Variants in LRMDA observed in about 807,000 individuals in gnomAD.
LRMDA encodes leucine rich melanocyte differentiation associated, also known as leucine-rich melanocyte differentiation-associated protein.
LRMDA carries 18 observed loss-of-function variants against 29.8 expected under a neutral mutation model. That is an observed-to-expected ratio of 0.60 (90% CI 0.42 to 0.90). The LOEUF (loss-of-function observed/expected upper bound fraction) is 0.90, where lower values mean the gene tolerates loss of function less well. LRMDA is among the 40% of genes least tolerant of loss of function. The pLI is 0.00. For synonymous variants in LRMDA, 125 were observed against 109.4 expected, an observed-to-expected ratio of 1.14 and a Z score of -0.89; for missense variants, 273 against 273.9, an observed-to-expected ratio of 1.00 and a Z score of 0.02.
At chr10:76,006,266 C>T (rs796311914) in intron 2 of LRMDA, among the ~76,000 whole-genome samples, 3 of 152,118 alleles carry the variant, frequency 2.0e-5, no homozygotes, top group South Asian at 2.1e-4. Context: ...CCCTGTGCGG[C>T]GGCTGAGGGT....
chr10:76,435,805 A>G (rs1021945080), intron 6 of LRMDA, among the ~76,000 whole-genome samples: 2 of 152,228 alleles, frequency 1.3e-5, no homozygotes, highest in African/African-American at 4.8e-5. Flanking sequence ...GCCATTATCT[A>G]GAAGCAAAGT....
intron 5 of LRMDA, among the ~76,000 whole-genome samples, chr10:76,288,667 C>T (rs541744445): frequency 6.6e-6 from 1 of 152,286 alleles, no homozygotes; most frequent in Non-Finnish European, 1.5e-5. Context: ...TTTTATTTAA[C>T]AGTAGAATTC....
rs979278395 is a variant in LRMDA, at chr10:75,977,423, C to A, written c.132-58585C>A. Among the ~76,000 whole-genome samples, 5 of 152,194 alleles carry A rather than the reference C, an allele frequency of 3.3e-5. No homozygotes were observed. The East Asian group carries it at 9.6e-4, about 29-fold the overall frequency. On this transcript the variant is annotated intron_variant, in intron 2 of 6. Coordinates refer to ENST00000611255, the MANE Select transcript of LRMDA (RefSeq NM_001305581.2). Reference sequence around the variant, plus strand: ...TTAACTCCATGGTGACTGTTGGGGGCCACACGTCCCCCTCTGTCCAGGGCA... The same window carrying A: ...TTAACTCCATGGTGACTGTTGGGGGACACACGTCCCCCTCTGTCCAGGGCA...
intron 2 of LRMDA, among the ~76,000 whole-genome samples, chr10:75,752,033 A>AT (rs1491511000): frequency 4.0e-5 from 6 of 149,288 alleles, no homozygotes; most frequent in African/African-American, 1.5e-4. Flanking sequence ...TAAAATAAAT[A>AT]AATATATATA....
chr10:76,265,687 TA>T (rs1839998939), intron 5 of LRMDA, among the ~76,000 whole-genome samples: 1 of 152,210 alleles, frequency 6.6e-6, no homozygotes, highest in Admixed American at 6.5e-5. Context: ...AAGGTGACTG[TA>T]CATTGGTTAT....
intron 6 of LRMDA, among the ~76,000 whole-genome samples, chr10:76,386,546 G>A (rs757403071): frequency 6.6e-6 from 1 of 152,106 alleles, no homozygotes; most frequent in Non-Finnish European, 1.5e-5. Flanking sequence ...TGTCAGCCTT[G>A]ATCTTGGTGG....
chr10:75,703,862 T>C (rs1842336442), intron 2 of LRMDA, among the ~76,000 whole-genome samples: 1 of 152,254 alleles, frequency 6.6e-6, no homozygotes, highest in Admixed American at 6.5e-5. Context: ...AGCTGCTGTG[T>C]CTTTTCATTT....
chr10:75,585,521 A>G (rs938958646), intron 2 of LRMDA, among the ~76,000 whole-genome samples: 3 of 152,246 alleles, frequency 2.0e-5, no homozygotes, highest in Admixed American at 1.3e-4. Flanking sequence ...TTACTGGGTC[A>G]TAAAGTATGT....
At chr10:75,504,547 G>A (rs191996790) in intron 2 of LRMDA, among the ~76,000 whole-genome samples, 8 of 152,316 alleles carry the variant, frequency 5.3e-5, no homozygotes, top group Admixed American at 5.2e-4. Flanking sequence ...AGCCTCATAG[G>A]ATAAATGCAT....
At chr10:75,997,581 G>A (rs1230931980) in intron 2 of LRMDA, among the ~76,000 whole-genome samples, 1 of 151,930 alleles carries the variant, frequency 6.6e-6, no homozygotes, top group Non-Finnish European at 1.5e-5. Flanking sequence ...TATGTAAAGT[G>A]ATAGAAAGTC....
rs556669960 is a variant in LRMDA, at chr10:75,715,745, A to G, written c.131+277251A>G. On this transcript the variant is annotated intron_variant, in intron 2 of 6. Transcript: ENST00000611255. ...TCATAATATTTTATTGTAGTTTTTT[A>G]AATGACTGAGAGTTATCTGTCTCTC... 3.3e-5 allele frequency among the ~76,000 whole-genome samples: 5 copies of G among 152,172 alleles called. No individual in the cohort carries two copies. In the East Asian group the frequency reaches 9.7e-4, roughly 29 times the overall value.
At chr10:75,935,681 G>T (rs1377774035) in intron 2 of LRMDA, among the ~76,000 whole-genome samples, 1 of 152,164 alleles carries the variant, frequency 6.6e-6, no homozygotes, top group Non-Finnish European at 1.5e-5. Flanking sequence ...GAGGGTTCAG[G>T]TTAAAAGGGA....
At chr10:75,518,558 A>AT (rs1381952400) in intron 2 of LRMDA, among the ~76,000 whole-genome samples, 1 of 151,998 alleles carries the variant, frequency 6.6e-6, no homozygotes, top group East Asian at 1.9e-4. Context: ...CCCTTTTATC[A>AT]TTTTTTATTG....
At chr10:76,041,035 C>G (rs1432238062) in intron 3 of LRMDA, among the ~76,000 whole-genome samples, 1 of 152,224 alleles carries the variant, frequency 6.6e-6, no homozygotes, top group African/African-American at 2.4e-5. Flanking sequence ...AGGAAAGTCT[C>G]TGTACCTTGT....
chr10:76,226,460 G>A (rs1851960160), intron 5 of LRMDA, among the ~76,000 whole-genome samples: 1 of 152,208 alleles, frequency 6.6e-6, no homozygotes, highest in East Asian at 1.9e-4. Flanking sequence ...GCACGTGCCT[G>A]CAATCCCAGC....
chr10:75,912,336 A>T (rs1468630051), intron 2 of LRMDA, among the ~76,000 whole-genome samples: 5 of 152,220 alleles, frequency 3.3e-5, no homozygotes, highest in African/African-American at 4.8e-5. Flanking sequence ...TTTCTGATGA[A>T]TGTTGCAGAG....
intron 5 of LRMDA, among the ~76,000 whole-genome samples, chr10:76,184,391 G>A (rs1242943154): frequency 2.0e-5 from 3 of 152,252 alleles, no homozygotes; most frequent in African/African-American, 4.8e-5. Flanking sequence ...TCTGTGTCTT[G>A]CTCTTCTGGT....
chr10:75,645,077 G>A (rs1841499817), intron 2 of LRMDA, among the ~76,000 whole-genome samples: 1 of 151,652 alleles, frequency 6.6e-6, no homozygotes. Flanking sequence ...CCGCCTCTTG[G>A]GCTCAAGCGA....
At chr10:75,757,631 G>A (rs1357915069) in intron 2 of LRMDA, among the ~76,000 whole-genome samples, 1 of 152,142 alleles carries the variant, frequency 6.6e-6, no homozygotes, top group Admixed American at 6.5e-5. Flanking sequence ...TGAGATCATA[G>A]TGGAACTGCT....
Sources: allele counts gnomAD v4.1 joint callset (sites outside exome capture counted in the v4.1 genomes callset), GRCh38; gene constraint gnomAD v4.1.1; transcripts MANE v1.5; gene names NCBI Gene and HGNC (gene_info 2026-07-23, HGNC 2026-07-21).